The following UBE2D2 variants were observed in gnomAD, a reference collection of about 807,000 sequenced individuals.
The protein encoded by UBE2D2 is ubiquitin-conjugating enzyme E2 D2.
A neutral mutation model predicts 24.2 loss-of-function variants in UBE2D2; 2 were observed. The observed-to-expected ratio is 0.08, with a 90% CI of 0.03 to 0.26. The LOEUF (loss-of-function observed/expected upper bound fraction) is 0.26, where lower values mean the gene tolerates loss of function less well. UBE2D2 is among the 10% of genes least tolerant of loss of function. The pLI, the probability that UBE2D2 is intolerant of heterozygous loss-of-function variation, is 1.00. For missense variants in UBE2D2, 44 were observed against 177.6 expected (o/e 0.25, Z 4.28); for synonymous variants, 58 against 56.5 (o/e 1.03, Z -0.12).
chr5:139,562,767 A>G (rs1753138806), intron 1 of UBE2D2, among the ~76,000 whole-genome samples: 2 of 152,204 alleles, frequency 1.3e-5, no homozygotes, highest in South Asian at 2.1e-4. Context: ...CATCTAGACT[A>G]TAAGATTGGC....
rs894190057 is a variant in UBE2D2, at chr5:139,561,441, C to T, written c.-351C>T. ...CCTCCGGCTGTCCGACCAAGAGAGG[C>T]CGGCCGAGCCCGAGGCTTGGGCTTT... On this transcript the variant is annotated 5_prime_UTR_variant, in exon 1 of 7. Transcript: ENST00000398733. 1.1e-5 allele frequency: 3 copies of T among 264,222 alleles called. No homozygotes were observed. In the South Asian group the frequency reaches 3.7e-4, roughly 33 times the overall value. 16.4% of individuals were successfully genotyped at this position (264,222 alleles called of 1,614,324 possible). A position where few individuals can be genotyped will look rare whatever the true frequency, so the allele number is the denominator to read the frequency against.
chr5:139,593,091 G>T (rs1402822432), intron 1 of UBE2D2, among the ~76,000 whole-genome samples: 1 of 150,380 alleles, frequency 6.6e-6, no homozygotes, highest in Non-Finnish European at 1.5e-5. Flanking sequence ...CGCCTCCCGG[G>T]TTCAAGTATT....
chr5:139,566,931 G>A (rs355151), intron 1 of UBE2D2, among the ~76,000 whole-genome samples: 12,444 of 150,190 alleles, frequency 0.083, 627 homozygotes, highest in African/African-American at 0.12. Flanking sequence ...AAAAAAAAAA[G>A]AACAACAAAA....
chr5:139,621,876 G>A (rs1180898950), intron 5 of UBE2D2, among the ~76,000 whole-genome samples: 2 of 152,172 alleles, frequency 1.3e-5, no homozygotes, highest in African/African-American at 4.8e-5. Context: ...TTCTGCTGTG[G>A]CCTCCCAAAG....
chr5:139,550,609 C>T lies in UBE2D2; in HGVS notation c.-64+23997C>T, dbSNP rs1262442399. 3.3e-5 allele frequency among the ~76,000 whole-genome samples: 5 copies of T among 152,002 alleles called. No homozygotes were observed. The East Asian group carries it at 5.8e-4, about 18-fold the overall frequency. On this transcript the variant is annotated intron_variant, in intron 1 of 6. Coordinates refer to the UBE2D2 transcript ENST00000511725. Reference sequence around the variant, plus strand: ...TTTTTTTGATCTTTGAGATAACTTGCTGCTGCTCATTCTTTGGGTACACAC... The same window carrying T: ...TTTTTTTGATCTTTGAGATAACTTGTTGCTGCTCATTCTTTGGGTACACAC...
At position 139,545,025 on chromosome 5, in the gene UBE2D2, C is replaced by T. The variant is rs527722775; in HGVS notation, c.-64+18413C>T. 5.9e-5 allele frequency among the ~76,000 whole-genome samples: 9 copies of T among 152,128 alleles called. 1 individual carries two copies. The highest frequency in any genetic ancestry group is 1.9e-4 in the East Asian group (1 of 5,168). ...CGATCTTTTGACCTCGTGATCCACC[C>T]GCCTCGGCCTTCCAAAGTGCTGGGA... On this transcript the variant is annotated intron_variant, in intron 1 of 6. Transcript: ENST00000511725.
chr5:139,531,819 CAAAAACA>C (rs1423496904), intron 1 of UBE2D2, among the ~76,000 whole-genome samples: 1 of 151,626 alleles, frequency 6.6e-6, no homozygotes, highest in East Asian at 1.9e-4. Context: ...AAAACAAAAA[CAAAAACA>C]AAAACAAAAA....
chr5:139,548,338 G>C (rs979898916), intron 1 of UBE2D2, among the ~76,000 whole-genome samples: 18 of 151,836 alleles, frequency 1.2e-4, no homozygotes, highest in Non-Finnish European at 1.5e-5. Context: ...AGGAAGGTTG[G>C]GGGACTGTCT....
intron 1 of UBE2D2, among the ~76,000 whole-genome samples, chr5:139,588,646 C>CT (rs1753782733): frequency 6.6e-6 from 1 of 152,074 alleles, no homozygotes; most frequent in Non-Finnish European, 1.5e-5. Flanking sequence ...TGAGAAAAAT[C>CT]TTTTTTACCT....
chr5:139,578,017 A>G (rs1753516271), intron 1 of UBE2D2, among the ~76,000 whole-genome samples: 1 of 152,190 alleles, frequency 6.6e-6, no homozygotes, highest in Non-Finnish European at 1.5e-5. Context: ...TTTCCTTTGA[A>G]GCCTAGTGAG....
chr5:139,587,634 C>T (rs895588979), intron 1 of UBE2D2, among the ~76,000 whole-genome samples: 4 of 142,448 alleles, frequency 2.8e-5, no homozygotes, highest in Non-Finnish European at 4.5e-5. Flanking sequence ...GGTCGCGCCA[C>T]TGCACTCCAG....
intron 2 of UBE2D2, 61 bp downstream of exon 2, chr5:139,600,496 A>G: frequency 6.4e-7 from 1 of 1,561,018 alleles, no homozygotes; most frequent in Non-Finnish European, 8.8e-7. Context: ...GTGTGAAGAA[A>G]CAATTATGGT....
At chr5:139,590,166 T>C (rs1435135132) in intron 1 of UBE2D2, among the ~76,000 whole-genome samples, 3 of 151,626 alleles carry the variant, frequency 2.0e-5, no homozygotes. Flanking sequence ...TAGTGAAAAA[T>C]AGGAAATAAA....
At chr5:139,582,045 C>T (rs1379212553) in intron 1 of UBE2D2, among the ~76,000 whole-genome samples, 1 of 147,316 alleles carries the variant, frequency 6.8e-6, no homozygotes, top group Non-Finnish European at 1.5e-5. Flanking sequence ...GAGTGCGATG[C>T]AATAGTGTGA....
intron 1 of UBE2D2, among the ~76,000 whole-genome samples, chr5:139,563,776 A>C (rs1753159875): frequency 6.6e-6 from 1 of 152,090 alleles, no homozygotes; most frequent in Admixed American, 6.6e-5. Flanking sequence ...GCTAAAATAT[A>C]CAAAAAAAAC....
At position 139,561,749 on chromosome 5, in the gene UBE2D2, C is replaced by A; in HGVS notation, c.-43C>A. On this transcript the variant is annotated 5_prime_UTR_variant, in exon 1 of 7. Transcript: ENST00000398733. ...TAGCCCCTTCCCCGTCCCTTCCCCG[C>A]CCCCGTCCCCGCCCCGGGGGCCGCC... 7.0e-7 allele frequency: 1 copy of A among 1,423,110 alleles called. No homozygotes were observed. 88.2% of individuals were successfully genotyped at this position (1,423,110 alleles called of 1,614,324 possible). A position where few individuals can be genotyped will look rare whatever the true frequency, so the allele number is the denominator to read the frequency against.
At chr5:139,568,739 G>A (rs1321422189) in intron 1 of UBE2D2, among the ~76,000 whole-genome samples, 4 of 152,290 alleles carry the variant, frequency 2.6e-5, no homozygotes, top group South Asian at 2.1e-4. Context: ...TTGGGATGCC[G>A]AGGTGAGTGG....
At chr5:139,584,940 GC>G (rs1314115280) in intron 1 of UBE2D2, among the ~76,000 whole-genome samples, 1 of 142,898 alleles carries the variant, frequency 7.0e-6, no homozygotes, top group Non-Finnish European at 1.5e-5. Flanking sequence ...CGCTCTTGTT[GC>G]CCAGGCTGGA....
intron 2 of UBE2D2, among the ~76,000 whole-genome samples, chr5:139,604,592 C>T (rs1456577637): frequency 6.6e-6 from 1 of 152,098 alleles, no homozygotes; most frequent in Non-Finnish European, 1.5e-5. Context: ...ATCAAAACTA[C>T]AGTGAAGAAG....
Sources: gnomAD v4.1 joint callset for allele counts (sites outside exome capture counted in the v4.1 genomes callset) on GRCh38, gnomAD v4.1.1 for gene constraint, MANE v1.5 for transcripts, NCBI Gene and HGNC (gene_info 2026-07-23, HGNC 2026-07-21) for gene names.